Variants in SETD3 observed in about 807,000 individuals in gnomAD.
SETD3 encodes SET domain containing 3, actin N3(tau)-histidine methyltransferase, also known as actin-histidine N-methyltransferase.
A neutral mutation model predicts 63.0 loss-of-function variants in SETD3; 19 were observed. The ratio of observed to expected loss-of-function variants is 0.30; its 90% CI spans 0.21 to 0.44. The LOEUF is 0.44. Among genes scored for constraint, SETD3 ranks in the 20% least tolerant of loss-of-function variants. The probability of loss-of-function intolerance (pLI) is 1.00; values close to 1 mark genes in which losing one functional copy is unlikely to be tolerated. For missense variants in SETD3, 587 were observed against 728.5 expected (o/e 0.81, Z 2.24); for synonymous variants, 286 against 264.1 (o/e 1.08, Z -0.80).
At chr14:99,437,384 G>A (rs1031373131) in intron 6 of SETD3, among the ~76,000 whole-genome samples, 1 of 152,148 alleles carries the variant, frequency 6.6e-6, no homozygotes, top group African/African-American at 2.4e-5. Flanking sequence ...CCACCTCTGT[G>A]AAGTCTTCCC....
chr14:99,473,213 T>C (rs753162705), intron 1 of SETD3, among the ~76,000 whole-genome samples: 2 of 152,222 alleles, frequency 1.3e-5, no homozygotes, highest in African/African-American at 4.8e-5. Context: ...AAGCGATTCT[T>C]TTCCATCGAA....
At chr14:99,423,875 C>T (rs1448478347) in intron 6 of SETD3, among the ~76,000 whole-genome samples, 1 of 151,910 alleles carries the variant, frequency 6.6e-6, no homozygotes, top group East Asian at 1.9e-4. Flanking sequence ...TGATTACTTC[C>T]TTTTTCATAA....
chr14:99,428,708 G>A (rs1055089659), intron 6 of SETD3, among the ~76,000 whole-genome samples: 1 of 152,122 alleles, frequency 6.6e-6, no homozygotes, highest in African/African-American at 2.4e-5. Context: ...GGAGGGGGTA[G>A]GTGAAGTTTG....
intron 6 of SETD3, among the ~76,000 whole-genome samples, chr14:99,421,358 A>G (rs1306001374): frequency 6.6e-6 from 1 of 152,014 alleles, no homozygotes; most frequent in Non-Finnish European, 1.5e-5. Flanking sequence ...TTGGGTTTCA[A>G]TAATTCAGGA....
chr14:99,455,929 C>A (rs183636853), intron 6 of SETD3, among the ~76,000 whole-genome samples: 2 of 152,214 alleles, frequency 1.3e-5, no homozygotes, highest in African/African-American at 2.4e-5. Flanking sequence ...ACAAGGCGGG[C>A]GGATCACTTG....
In SETD3 at chr14:99,435,151, C is replaced by T. The variant is rs528384840; in HGVS notation, c.676-21217G>A. 5.8e-3 allele frequency among the ~76,000 whole-genome samples: 884 copies of T among 152,194 alleles called. 9 individuals are homozygous for T. The highest frequency in any genetic ancestry group is 0.02 in the African/African-American group (848 of 41,530). ...TCATCCTTTTCTGTTATTTGCCATG[C>T]ATATTGTCATGTTTATTCATAGACT... On this transcript the variant is annotated intron_variant, in intron 6 of 12. Coordinates refer to ENST00000331768, the MANE Select transcript of SETD3 (RefSeq NM_032233.3).
chr14:99,477,557 C>A (rs141554511), intron 1 of SETD3, among the ~76,000 whole-genome samples: 3,376 of 152,088 alleles, frequency 0.022, 126 homozygotes, highest in African/African-American at 0.077. Flanking sequence ...GAGTTCCAGA[C>A]CAGCCTGACC....
chr14:99,423,100 G>A (rs1173867147), intron 6 of SETD3, among the ~76,000 whole-genome samples: 1 of 152,156 alleles, frequency 6.6e-6, no homozygotes, highest in African/African-American at 2.4e-5. Context: ...CTGTCCCTGG[G>A]TTGTTCTAGA....
intron 8 of SETD3, chr14:99,411,727 AAAAAC>A (rs1566877165): frequency 1.3e-5 from 2 of 152,250 alleles, no homozygotes; most frequent in Non-Finnish European, 2.9e-5. Flanking sequence ...AACTCTGAAG[AAAAAC>A]AAAACAAAAA....
intron 6 of SETD3, among the ~76,000 whole-genome samples, chr14:99,452,478 A>G (rs1163612738): frequency 6.6e-6 from 1 of 152,274 alleles, no homozygotes; most frequent in African/African-American, 2.4e-5. Context: ...TGCCCACACT[A>G]AAAGGTCCTG....
chr14:99,404,411 G>C (rs190047243), intron 10 of SETD3, 101 bp from the exon 11 acceptor site: 1 of 1,045,986 alleles, frequency 9.6e-7, no homozygotes, highest in African/African-American at 1.6e-5. Flanking sequence ...TGTCCTCAAG[G>C]AGAGCTGAGC....
chr14:99,449,561 C>T (rs181534276), intron 6 of SETD3, among the ~76,000 whole-genome samples: 1 of 152,296 alleles, frequency 6.6e-6, no homozygotes, highest in African/African-American at 2.4e-5. Context: ...CAGCAGTGCT[C>T]TTCAAAAGTG....
chr14:99,429,213 G>A (rs1008754797), intron 6 of SETD3, among the ~76,000 whole-genome samples: 6 of 152,082 alleles, frequency 3.9e-5, no homozygotes, highest in Admixed American at 1.3e-4. Flanking sequence ...AAATGTTAGT[G>A]CCCTTCTGCA....
intron 6 of SETD3, among the ~76,000 whole-genome samples, chr14:99,421,690 T>A (rs1892606149): frequency 6.6e-6 from 1 of 152,144 alleles, no homozygotes; most frequent in African/African-American, 2.4e-5. Context: ...TATGTGCATA[T>A]AATTTAATCA....
chr14:99,477,313 CA>C (rs1303998797), intron 1 of SETD3, among the ~76,000 whole-genome samples: 16 of 152,142 alleles, frequency 1.1e-4, no homozygotes, highest in African/African-American at 3.9e-4. Flanking sequence ...CTCGTTTTTA[CA>C]GTCTGTTTAT....
intron 6 of SETD3, among the ~76,000 whole-genome samples, chr14:99,441,856 T>C (rs114260933): frequency 0.018 from 2,795 of 152,298 alleles, 78 homozygotes; most frequent in African/African-American, 0.064. Flanking sequence ...AAAGAGCCCC[T>C]TGGTGGAGCT....
intron 8 of SETD3, 95 bp downstream of exon 8, chr14:99,412,856 G>A: frequency 1.2e-6 from 1 of 849,868 alleles, no homozygotes; most frequent in Non-Finnish European, 2.0e-6. Flanking sequence ...GGCAACGGGG[G>A]GAGTACGATG....
chr14:99,482,181 G>A (rs537090273), upstream of SETD3, among the ~76,000 whole-genome samples: 1 of 152,220 alleles, frequency 6.6e-6, no homozygotes, highest in Non-Finnish European at 1.5e-5. Context: ...CGGAGCTTTC[G>A]CTAAGTCATC....
At chr14:99,443,623 T>C (rs1893964820) in intron 6 of SETD3, among the ~76,000 whole-genome samples, 1 of 152,178 alleles carries the variant, frequency 6.6e-6, no homozygotes, top group Non-Finnish European at 1.5e-5. Context: ...AATGTAAGCT[T>C]TGGAAGACAG....
Sources: gnomAD v4.1 joint callset for allele counts (sites outside exome capture counted in the v4.1 genomes callset) on GRCh38, gnomAD v4.1.1 for gene constraint, MANE v1.5 for transcripts, NCBI Gene and HGNC (gene_info 2026-07-23, HGNC 2026-07-21) for gene names.